ERI1: variants seen among roughly 807,000 people sequenced by gnomAD.
ERI1 encodes the protein 3'-5' exoribonuclease 1.
A neutral mutation model predicts 39.7 loss-of-function variants in ERI1; 39 were observed. The observed-to-expected ratio is 0.98, with a 90% CI of 0.76 to 1.28. The LOEUF is 1.28. Among genes scored for constraint, ERI1 ranks in the 50% most tolerant of loss-of-function variants. The pLI is 0.00. For synonymous variants in ERI1, 204 were observed against 149.6 expected, an observed-to-expected ratio of 1.36 and a Z score of -2.65; for missense variants, 581 against 416.9, an observed-to-expected ratio of 1.39 and a Z score of -3.43.
At chr8:9,025,459 G>T (rs1163982054) in intron 6 of ERI1, among the ~76,000 whole-genome samples, 9 of 152,238 alleles carry the variant, frequency 5.9e-5, no homozygotes, top group Non-Finnish European at 1.3e-4. Flanking sequence ...GCGTTTTGCA[G>T]CGCTTCTTCC....
intron 3 of ERI1, among the ~76,000 whole-genome samples, chr8:9,042,152 A>C (rs904912612): frequency 1.3e-5 from 2 of 152,228 alleles, no homozygotes; most frequent in Admixed American, 1.3e-4. Context: ...AGCATTAGGA[A>C]TTCCTCAAGG....
intron 3 of ERI1, among the ~76,000 whole-genome samples, chr8:9,044,660 T>C (rs901668837): frequency 4.0e-5 from 6 of 151,826 alleles, no homozygotes; most frequent in African/African-American, 1.5e-4. Context: ...GAAGAACAAA[T>C]CATGACATTA....
intron 3 of ERI1, among the ~76,000 whole-genome samples, chr8:9,072,905 C>G (rs1487242959): frequency 1.3e-5 from 2 of 152,238 alleles, no homozygotes; most frequent in African/African-American, 4.8e-5. Flanking sequence ...TGCACCCCTT[C>G]CTTCAGCAAC....
At chr8:9,034,700 C>T (rs1321760574), downstream of ERI1, among the ~76,000 whole-genome samples, 3 of 152,112 alleles carry the variant, frequency 2.0e-5, no homozygotes, top group East Asian at 5.8e-4. Flanking sequence ...CTACAGTGGC[C>T]TCTAAGTGTT....
chr8:9,064,634 G>A (rs1030786268), intron 3 of ERI1, among the ~76,000 whole-genome samples: 2 of 152,206 alleles, frequency 1.3e-5, no homozygotes, highest in African/African-American at 4.8e-5. Context: ...AGAGTAAGAA[G>A]AGGCTGCTTA....
At chr8:9,086,660 T>TA (rs1464405062) in intron 3 of ERI1, among the ~76,000 whole-genome samples, 1 of 152,250 alleles carries the variant, frequency 6.6e-6, no homozygotes, top group East Asian at 1.9e-4. Context: ...AGAAGCCTGT[T>TA]GGTTTCAGCA....
At chr8:9,055,778 T>C (rs1798487706) in intron 3 of ERI1, among the ~76,000 whole-genome samples, 1 of 152,152 alleles carries the variant, frequency 6.6e-6, no homozygotes, top group Admixed American at 6.6e-5. Context: ...CCTCAAGTGA[T>C]CCTCTCCCTT....
intron 3 of ERI1, among the ~76,000 whole-genome samples, chr8:9,014,763 T>C (rs958182079): frequency 2.6e-5 from 4 of 152,244 alleles, no homozygotes; most frequent in African/African-American, 9.6e-5. Flanking sequence ...ATCTGTGATA[T>C]GCAGTTAAGT....
intron 3 of ERI1, among the ~76,000 whole-genome samples, chr8:9,083,247 AT>A (rs1290973662): frequency 6.6e-6 from 1 of 152,168 alleles, no homozygotes; most frequent in African/African-American, 2.4e-5. Flanking sequence ...TCAGTGAAAA[AT>A]ATTACTTCTT....
In ERI1 at chr8:9,020,338, TTTAA is replaced by T; in HGVS notation, c.693-9_693-6del. 1.3e-6 allele frequency: 2 copies of T among 1,499,918 alleles called. No homozygotes were observed. Among genetic ancestry groups the T allele is most frequent in the Non-Finnish European group, 1.8e-6 (2 of 1,114,580 alleles). 92.9% of individuals were successfully genotyped at this position (1,499,918 alleles called of 1,614,324 possible). ...TTATTTCATCAATTTTTTGTCCTTT[TTTAA>T]TTTATAGTTCTTGGGATATGAGTAA... On this transcript the variant is annotated splice_region_variant and splice_polypyrimidine_tract_variant and intron_variant, in intron 5 of 6. Coordinates refer to ENST00000250263, the MANE Select transcript of ERI1 (RefSeq NM_153332.4).
intron 3 of ERI1, among the ~76,000 whole-genome samples, chr8:9,071,894 C>T (rs1426295712): frequency 1.3e-5 from 2 of 152,130 alleles, no homozygotes; most frequent in Non-Finnish European, 2.9e-5. Flanking sequence ...AGTGAGACCT[C>T]GTCTCTACAA....
intron 6 of ERI1, among the ~76,000 whole-genome samples, chr8:9,027,956 C>G (rs1030190090): frequency 2.6e-5 from 4 of 152,132 alleles, no homozygotes; most frequent in African/African-American, 9.7e-5. Context: ...TTTTAATATG[C>G]TGCTGATTTA....
At chr8:9,049,311 G>T (rs1412423753) in intron 3 of ERI1, among the ~76,000 whole-genome samples, 3 of 117,462 alleles carry the variant, frequency 2.6e-5, no homozygotes, top group Non-Finnish European at 3.4e-5. Context: ...ACTCCAGCCT[G>T]GGCGACAGAG....
intron 3 of ERI1, among the ~76,000 whole-genome samples, chr8:9,038,438 C>A (rs113004825): frequency 1.1e-4 from 16 of 152,212 alleles, no homozygotes; most frequent in African/African-American, 3.9e-4. Flanking sequence ...TACTATCATA[C>A]ATCTTTGTAA....
At chr8:9,080,788 A>G (rs1287039098) in intron 3 of ERI1, among the ~76,000 whole-genome samples, 1 of 152,148 alleles carries the variant, frequency 6.6e-6, no homozygotes, top group Non-Finnish European at 1.5e-5. Context: ...ACAAGCATTT[A>G]GTGCAGATAT....
chr8:9,093,949 A>G (rs1799792481), intron 3 of ERI1, among the ~76,000 whole-genome samples: 2 of 152,200 alleles, frequency 1.3e-5, no homozygotes, highest in East Asian at 1.9e-4. Flanking sequence ...CTGTGTGTTT[A>G]AAGTGTTACT....
chr8:9,017,226 A>G (rs1817399417), intron 4 of ERI1, among the ~76,000 whole-genome samples: 1 of 151,862 alleles, frequency 6.6e-6, no homozygotes, highest in South Asian at 2.1e-4. Context: ...TATTTTTAGT[A>G]GAGACGGGTT....
At chr8:9,039,343 C>T (rs1005150396) in intron 3 of ERI1, among the ~76,000 whole-genome samples, 2 of 152,152 alleles carry the variant, frequency 1.3e-5, no homozygotes, top group African/African-American at 2.4e-5. Context: ...GATACATGTT[C>T]ATCATATAAT....
intron 3 of ERI1, among the ~76,000 whole-genome samples, chr8:9,012,479 A>G (rs900152898): frequency 2.0e-5 from 3 of 152,220 alleles, no homozygotes; most frequent in Non-Finnish European, 4.4e-5. Context: ...GAGTAAGTAT[A>G]AAAAGGTTTT....
Sources: allele counts gnomAD v4.1 joint callset (sites outside exome capture counted in the v4.1 genomes callset), GRCh38; gene constraint gnomAD v4.1.1; transcripts MANE v1.5; gene names NCBI Gene and HGNC (gene_info 2026-07-23, HGNC 2026-07-21).